The following PTPRJ variants were observed in gnomAD, a reference collection of about 807,000 sequenced individuals.
PTPRJ encodes protein tyrosine phosphatase receptor type J, also known as receptor-type tyrosine-protein phosphatase eta.
Under a neutral mutation model 141.3 loss-of-function variants are expected in PTPRJ, and 129 were observed. The observed-to-expected ratio is 0.91, with a 90% confidence interval of 0.79 to 1.06. The LOEUF (loss-of-function observed/expected upper bound fraction) is 1.06. Among genes scored for constraint, PTPRJ ranks in the 50% least tolerant of loss-of-function variants. The probability of loss-of-function intolerance (pLI) is 0.00; values close to 1 mark genes in which losing one functional copy is unlikely to be tolerated. For missense variants in PTPRJ, 1,601 were observed against 1,679.7 expected, an observed-to-expected ratio of 0.95 and a Z score of 0.82; for synonymous variants, 610 against 640.5, an observed-to-expected ratio of 0.95 and a Z score of 0.72.
chr11:48,011,559 G>A (rs1854789663), intron 1 of PTPRJ, among the ~76,000 whole-genome samples: 1 of 152,192 alleles, frequency 6.6e-6, no homozygotes, highest in Non-Finnish European at 1.5e-5. Flanking sequence ...GGGTACTCTG[G>A]CAGACCATGA....
chr11:48,003,205 C>T (rs1854543106), intron 1 of PTPRJ, among the ~76,000 whole-genome samples: 1 of 152,118 alleles, frequency 6.6e-6, no homozygotes, highest in Non-Finnish European at 1.5e-5. Flanking sequence ...TACTATAATT[C>T]ATTTAGCCTT....
At position 48,127,882 on chromosome 11, in the gene PTPRJ, A is replaced by G; in HGVS notation, c.1196A>G (p.Tyr399Cys). 2 of 1,614,218 alleles carry G rather than the reference A, an allele frequency of 1.2e-6. No individual in the cohort carries two copies. Among genetic ancestry groups the G allele is most frequent in the South Asian group, 1.1e-5 (1 of 91,076 alleles). ...AACGAGTCGTCATCTAACTATACCT[A>G]CAAGATACATGTGGCGGGGGAGACA... ...SDNESSSNYT[Y>C]KIHVAGETDS... is the part of the protein sequence containing the mutation. The change falls in exon 7 of 25, where the codon TAC becomes TGC. Residue 399 changes from tyrosine (Y) to cysteine (C), a missense_variant. Physicochemically the swap from Tyr to Cys is radical, Grantham distance 194. Transcript: ENST00000418331.
At chr11:48,126,362 A>G (rs1856829430) in intron 6 of PTPRJ, among the ~76,000 whole-genome samples, 1 of 152,000 alleles carries the variant, frequency 6.6e-6, no homozygotes. Flanking sequence ...GTAAATAATC[A>G]TTATAGTAGC....
intron 1 of PTPRJ, among the ~76,000 whole-genome samples, chr11:47,995,000 C>T (rs1182010689): frequency 1.3e-5 from 2 of 152,140 alleles, no homozygotes; most frequent in South Asian, 2.1e-4. Flanking sequence ...ATATTGCAAA[C>T]GTTTCCCCCT....
chr11:48,047,127 G>T (rs1854428328), intron 1 of PTPRJ, among the ~76,000 whole-genome samples: 1 of 151,780 alleles, frequency 6.6e-6, no homozygotes, highest in African/African-American at 2.4e-5. Flanking sequence ...TGTTGGCCAG[G>T]CTGGTCTTGA....
intron 1 of PTPRJ, among the ~76,000 whole-genome samples, chr11:47,995,808 G>A (rs910021977): frequency 3.3e-5 from 5 of 152,216 alleles, no homozygotes; most frequent in Non-Finnish European, 7.3e-5. Context: ...GGGAGGCTGA[G>A]GCGGGCGGAT....
At chr11:48,160,740 G>A (rs1281157009) in intron 22 of PTPRJ, among the ~76,000 whole-genome samples, 1 of 152,092 alleles carries the variant, frequency 6.6e-6, no homozygotes, top group Non-Finnish European at 1.5e-5. Flanking sequence ...TGCAACCAAA[G>A]GCTTATTCAG....
chr11:48,072,756 G>A (rs957904407), intron 1 of PTPRJ, among the ~76,000 whole-genome samples: 25 of 152,166 alleles, frequency 1.6e-4, no homozygotes, highest in Middle Eastern at 3.4e-3. Flanking sequence ...GATATACTGC[G>A]CTACTGGTGT....
At chr11:48,096,522 T>G (rs573634347) in intron 1 of PTPRJ, among the ~76,000 whole-genome samples, 2 of 152,210 alleles carry the variant, frequency 1.3e-5, no homozygotes, top group East Asian at 3.9e-4. Context: ...CCCAACAGTT[T>G]CCCACGCCCG....
intron 1 of PTPRJ, among the ~76,000 whole-genome samples, chr11:48,035,481 C>A (rs1170458242): frequency 6.8e-6 from 1 of 147,534 alleles, no homozygotes; most frequent in African/African-American, 2.5e-5. Context: ...TGGGGACCAT[C>A]TGTGCTCTCC....
chr11:48,010,123 C>T (rs1005260213), intron 1 of PTPRJ, among the ~76,000 whole-genome samples: 1 of 152,186 alleles, frequency 6.6e-6, no homozygotes, highest in Non-Finnish European at 1.5e-5. Flanking sequence ...ACGGGGTTCT[C>T]CAAGGACATC....
chr11:48,059,917 C>T (rs552596046), intron 1 of PTPRJ, among the ~76,000 whole-genome samples: 8 of 152,270 alleles, frequency 5.3e-5, no homozygotes, highest in African/African-American at 7.2e-5. Context: ...GATTCAAACC[C>T]GAATTGCATT....
chr11:48,079,154 CT>C (rs949945421), intron 1 of PTPRJ, among the ~76,000 whole-genome samples: 2 of 146,860 alleles, frequency 1.4e-5, no homozygotes, highest in African/African-American at 5.2e-5. Flanking sequence ...AGCTGATGAG[CT>C]AAAAAAAAAA....
At chr11:48,035,535 CTTCTT>C (rs1396320087) in intron 1 of PTPRJ, among the ~76,000 whole-genome samples, 4 of 49,278 alleles carry the variant, frequency 8.1e-5, no homozygotes, top group African/African-American at 2.6e-4. Context: ...TTTCTTTCTT[CTTCTT>C]TTTTTTTTTT....
chr11:48,067,101 AGAAG>A (rs1304733199), intron 1 of PTPRJ, among the ~76,000 whole-genome samples: 1 of 152,208 alleles, frequency 6.6e-6, no homozygotes, highest in Non-Finnish European at 1.5e-5. Context: ...AATACAGAAA[AGAAG>A]GAAGTAGAAG....
In PTPRJ at chr11:48,127,891, A is replaced by T. The variant is rs775432395; in HGVS notation, c.1205A>T (p.His402Leu). 3.1e-6 allele frequency: 5 copies of T among 1,614,072 alleles called. No individual in the cohort carries two copies. The African/African-American group carries it at 6.7e-5, about 22-fold the overall frequency. ...ESSSNYTYKI[H>L]VAGETDSSNL... ...TCATCTAACTATACCTACAAGATAC[A>T]TGTGGCGGGGGAGACAGATTCTTCC... The change falls in exon 7 of 25, where the codon CAT (histidine) becomes CTT (leucine). Residue 402 changes from histidine (H) to leucine (L), a missense_variant. Physicochemically the swap from His to Leu is moderately conservative, Grantham distance 99 (BLOSUM62 -3). Coordinates refer to ENST00000418331, the MANE Select transcript of PTPRJ (RefSeq NM_002843.4).
chr11:48,150,228 C>A (rs1267478393), intron 18 of PTPRJ, 45 bp downstream of exon 18: 4 of 1,561,468 alleles, frequency 2.6e-6, no homozygotes, highest in South Asian at 1.1e-5. Context: ...AGGTTCCAAC[C>A]CAAGCTGGGA....
At chr11:48,051,752 A>C (rs1265970867) in intron 1 of PTPRJ, among the ~76,000 whole-genome samples, 1 of 152,226 alleles carries the variant, frequency 6.6e-6, no homozygotes, top group African/African-American at 2.4e-5. Context: ...CAGCTCCCTC[A>C]TCTGAAAATC....
chr11:47,984,849 G>C (rs1306579640), intron 1 of PTPRJ, among the ~76,000 whole-genome samples: 1 of 150,636 alleles, frequency 6.6e-6, no homozygotes, highest in Non-Finnish European at 1.5e-5. Flanking sequence ...GTGAGCCACT[G>C]TGCCCGGCCT....
Sources: allele counts gnomAD v4.1 joint callset (sites outside exome capture counted in the v4.1 genomes callset), GRCh38; gene constraint gnomAD v4.1.1; transcripts MANE v1.5; gene names NCBI Gene and HGNC (gene_info 2026-07-23, HGNC 2026-07-21).